ANO4: variants seen among roughly 807,000 people sequenced by gnomAD.
ANO4 encodes anoctamin 4.
In ANO4, 69 loss-of-function variants were observed where a neutral mutation model predicts 141.9. The ratio of observed to expected loss-of-function variants is 0.49; its 90% confidence interval spans 0.40 to 0.59. The LOEUF (loss-of-function observed/expected upper bound fraction) is 0.59, where lower values mean the gene tolerates loss of function less well. ANO4 is among the 20% of genes least tolerant of loss of function. ANO4 has a pLI of 0.00. For synonymous variants in ANO4, 350 were observed against 394.3 expected (o/e 0.89, Z 1.33); for missense variants, 894 against 1,162.2 (o/e 0.77, Z 3.36).
intron 1 of ANO4, among the ~76,000 whole-genome samples, chr12:100,821,546 A>ATGATAGAGTCACATATG (rs71436997): frequency 6.6e-6 from 1 of 151,644 alleles, no homozygotes; most frequent in Non-Finnish European, 1.5e-5. Context: ...AAGAATAGAG[A>ATGATAGAGTCACATATG]TGAAGACAGA....
At chr12:101,028,923 G>C (rs994013747) in intron 9 of ANO4, among the ~76,000 whole-genome samples, 1 of 152,172 alleles carries the variant, frequency 6.6e-6, no homozygotes, top group Non-Finnish European at 1.5e-5. Flanking sequence ...GTTAAGGGCA[G>C]CCAGAGAGGA....
At chr12:100,763,451 G>T in intron 3 of ANO4, among the ~76,000 whole-genome samples, 1 of 152,214 alleles carries the variant, frequency 6.6e-6, no homozygotes, top group Non-Finnish European at 1.5e-5. Context: ...AAGTACTCCA[G>T]AGGGTATTTG....
intron 1 of ANO4, among the ~76,000 whole-genome samples, chr12:100,723,935 T>C (rs1281420891): frequency 6.6e-6 from 1 of 152,138 alleles, no homozygotes; most frequent in Non-Finnish European, 1.5e-5. Context: ...AGGAAGTTTC[T>C]AGAACAAACA....
At chr12:100,748,994 T>TA (rs1389981115) in intron 3 of ANO4, among the ~76,000 whole-genome samples, 2 of 152,218 alleles carry the variant, frequency 1.3e-5, no homozygotes, top group South Asian at 2.1e-4. Flanking sequence ...AGGGCATTTT[T>TA]ATGCATTTTG....
At chr12:101,034,519 G>A (rs560841841) in intron 9 of ANO4, among the ~76,000 whole-genome samples, 5 of 151,880 alleles carry the variant, frequency 3.3e-5, no homozygotes, top group Non-Finnish European at 7.4e-5. Flanking sequence ...GGAAGTTAGA[G>A]GACAGGTCAA....
rs184628220 is a variant in ANO4 at position 100,736,445 on chromosome 12, A to G, written c.106+2588A>G. On this transcript the variant is annotated intron_variant, in intron 2 of 29. Coordinates refer to the ANO4 transcript ENST00000644049. The stretch of plus-strand genomic sequence containing the variant: ...GTAAAGAATTGCCTGAGGACATATG[A>G]GAGTAAGAGCTGCAATTTGAGCCCA... 1.8e-4 allele frequency among the ~76,000 whole-genome samples: 27 copies of G among 152,276 alleles called. 1 individual carries two copies. The East Asian group carries it at 4.1e-3, about 23-fold the overall frequency.
At chr12:100,922,434 A>G (rs958890694) in intron 3 of ANO4, 104 bp downstream of exon 3, 4 of 735,096 alleles carry the variant, frequency 5.4e-6, no homozygotes, top group Non-Finnish European at 8.3e-6. Context: ...TTTAAAAAAT[A>G]TTAACAAAAT....
chr12:100,926,143 A>C (rs73391747), intron 3 of ANO4, among the ~76,000 whole-genome samples: 3,083 of 152,268 alleles, frequency 0.02, 111 homozygotes, highest in African/African-American at 0.07. Context: ...TAAATTAAAT[A>C]AAAATGATTA....
intron 8 of ANO4, 35 bp downstream of exon 8, chr12:100,987,705 G>T (rs2044774994): frequency 1.9e-6 from 3 of 1,609,886 alleles, no homozygotes; most frequent in Non-Finnish European, 2.5e-6. Context: ...ATCTCACTAA[G>T]GATGTGCAGC....
chr12:100,744,349 A>G (rs115406289), intron 3 of ANO4, among the ~76,000 whole-genome samples: 1 of 152,166 alleles, frequency 6.6e-6, no homozygotes, highest in Non-Finnish European at 1.5e-5. Flanking sequence ...AAAAGAGGCT[A>G]GGAAGTCCAA....
chr12:101,051,305 T>C lies in ANO4; in HGVS notation c.1312+2904T>C, dbSNP rs1283733506. Among the ~76,000 whole-genome samples the C allele has an allele frequency of 5.3e-5, 8 of 152,254 alleles. No homozygotes were observed. In the East Asian group the frequency reaches 1.5e-3, roughly 29 times the overall value. On this transcript the variant is annotated intron_variant, in intron 14 of 27. Coordinates refer to ENST00000392977, the MANE Select transcript of ANO4 (RefSeq NM_001286615.2). ...TGGATTGGAGATTTAACAGCCCTTGTGGTTTGGAGTATACTTTGTAAGACT... is the reference window on the plus strand; with the variant it reads ...TGGATTGGAGATTTAACAGCCCTTGCGGTTTGGAGTATACTTTGTAAGACT...
At chr12:101,037,449 T>C (rs998968905) in intron 10 of ANO4, among the ~76,000 whole-genome samples, 2 of 152,222 alleles carry the variant, frequency 1.3e-5, no homozygotes, top group African/African-American at 4.8e-5. Flanking sequence ...ACAATTTGCA[T>C]GAGGCACCAA....
intron 1 of ANO4, among the ~76,000 whole-genome samples, chr12:100,822,752 C>T (rs1342829915): frequency 6.6e-6 from 1 of 152,026 alleles, no homozygotes; most frequent in Non-Finnish European, 1.5e-5. Context: ...GAAACTTGAT[C>T]TTCCAGTAGG....
chr12:101,000,283 A>G (rs2045581550), intron 8 of ANO4, among the ~76,000 whole-genome samples: 2 of 152,192 alleles, frequency 1.3e-5, no homozygotes. Context: ...TTTTAAGCCA[A>G]ATGTTACTCA....
intron 3 of ANO4, among the ~76,000 whole-genome samples, chr12:100,927,818 C>T (rs1295816407): frequency 6.6e-6 from 1 of 152,080 alleles, no homozygotes; most frequent in African/African-American, 2.4e-5. Context: ...TAGGGACACT[C>T]TTGAATGGCA....
chr12:100,788,185 G>T (rs184992832), intron 3 of ANO4, among the ~76,000 whole-genome samples: 11 of 152,264 alleles, frequency 7.2e-5, no homozygotes, highest in Non-Finnish European at 1.6e-4. Context: ...GGAAAGAAAA[G>T]TTGCCTAGAT....
At chr12:101,065,114 C>T (rs573766109) in intron 14 of ANO4, among the ~76,000 whole-genome samples, 5 of 152,118 alleles carry the variant, frequency 3.3e-5, no homozygotes, top group African/African-American at 1.2e-4. Flanking sequence ...TGAAAGTTCT[C>T]AACTTAATAA....
chr12:100,767,544 GCTACTAAGTGA>G (rs994533095), intron 3 of ANO4, among the ~76,000 whole-genome samples: 1 of 152,196 alleles, frequency 6.6e-6, no homozygotes, highest in African/African-American at 2.4e-5. Flanking sequence ...AATTTAGACA[GCTACTAAGTGA>G]CTAATGGGCA....
chr12:100,963,139 A>G (rs2043496534), intron 5 of ANO4, among the ~76,000 whole-genome samples: 1 of 152,158 alleles, frequency 6.6e-6, no homozygotes, highest in Non-Finnish European at 1.5e-5. Context: ...CCAGTGAGAC[A>G]CCAGGTACCA....
Sources: allele counts gnomAD v4.1 joint callset (sites outside exome capture counted in the v4.1 genomes callset), GRCh38; gene constraint gnomAD v4.1.1; transcripts MANE v1.5; gene names NCBI Gene and HGNC (gene_info 2026-07-23, HGNC 2026-07-21).